The following RBBP8 variants were observed in gnomAD, a reference collection of about 807,000 sequenced individuals.
The protein encoded by RBBP8 is DNA endonuclease RBBP8.
Under a neutral mutation model 108.3 loss-of-function variants are expected in RBBP8, and 88 were observed. The ratio of observed to expected loss-of-function variants is 0.81; its 90% confidence interval spans 0.68 to 0.97. RBBP8 has a LOEUF of 0.97. Ranked by LOEUF, RBBP8 falls within the 50% of genes least tolerant of loss-of-function variation. The pLI is 0.00. For synonymous variants in RBBP8, 332 were observed against 348.2 expected, an observed-to-expected ratio of 0.95 and a Z score of 0.52; for missense variants, 1,023 against 1,049.0, an observed-to-expected ratio of 0.98 and a Z score of 0.34.
chr18:22,916,078 A>C (rs1025500494), intron 2 of RBBP8, among the ~76,000 whole-genome samples: 5 of 152,128 alleles, frequency 3.3e-5, no homozygotes, highest in Admixed American at 6.6e-5. Flanking sequence ...TTGTCAATCA[A>C]ATTAGGAGTG....
rs2045795126 is a variant in RBBP8, at chr18:22,993,831, T to C, written c.1923T>C (p.Ser641=). Residue 641 remains serine (S), a synonymous_variant, in exon 12 of 19, where the codon TCT becomes TCC. Coordinates refer to ENST00000327155, the MANE Select transcript of RBBP8 (RefSeq NM_002894.3). ...CATGTAGAACTGGTAAAATAAAGTC[T>C]CTACAAAACAACCAAGGTGTGTACA... ...LNPCRTGKIK[S]LQNNQDVSFE... 2.5e-6 allele frequency: 4 copies of C among 1,613,476 alleles called. No homozygotes were observed. The highest frequency in any genetic ancestry group is 2.5e-6 in the Non-Finnish European group (3 of 1,179,488).
chr18:22,919,668 C>T (rs540826700), intron 3 of RBBP8, among the ~76,000 whole-genome samples: 4 of 152,242 alleles, frequency 2.6e-5, no homozygotes, highest in Admixed American at 2.6e-4. Context: ...TCTCCTGCCT[C>T]AGACTCTGGA....
chr18:23,015,312 A>AT (rs563172620), intron 16 of RBBP8, among the ~76,000 whole-genome samples: 2 of 151,116 alleles, frequency 1.3e-5, no homozygotes. Flanking sequence ...AACAGGCAGT[A>AT]TTTTTTTTTA....
Position 22,968,884 on chromosome 18 carries a change from C to T in RBBP8, c.327C>T (p.Ile109=). The T allele has an allele frequency of 1.9e-6, 3 of 1,613,050 alleles. No homozygotes were observed. Among genetic ancestry groups the T allele is most frequent in the Non-Finnish European group, 2.5e-6 (3 of 1,179,290 alleles). The change falls in exon 5 of 19, where the codon ATC becomes ATT. Residue 109 remains isoleucine, a synonymous_variant. Coordinates refer to ENST00000327155, the MANE Select transcript of RBBP8 (RefSeq NM_002894.3). Reference sequence around the variant, plus strand: ...AAAAACAGCAAGAGTTTGAAAATATCCGGCAGCAGAATCTTAAACTTATTA... The same window carrying T: ...AAAAACAGCAAGAGTTTGAAAATATTCGGCAGCAGAATCTTAAACTTATTA... ...MRKKQQEFEN[I]RQQNLKLITE... is the part of the protein sequence containing the mutation.
At position 22,993,320 on chromosome 18, in the gene RBBP8, C is replaced by G; in HGVS notation, c.1493C>G (p.Ser498Ter). 2.5e-6 allele frequency: 4 copies of G among 1,614,228 alleles called. No individual in the cohort carries two copies. Among genetic ancestry groups the G allele is most frequent in the Non-Finnish European group, 3.4e-6 (4 of 1,180,034 alleles). The change falls in exon 11 of 19, where the codon TCA (serine) becomes TGA (stop). Residue 498 changes from serine (S) to a stop codon, truncating the protein, a stop_gained. Transcript: ENST00000327155. LOFTEE classifies it high-confidence loss of function. ...DKPLDLSDRF[S>*]AIQRQEKSQG... ...CCTCTGGATCTGTCTGATCGATTTT[C>G]AGCTATTCAGCGTCAAGAGAAAAGC...
intron 14 of RBBP8, 64 bp downstream of exon 14, chr18:22,997,798 A>G (rs1267136149): frequency 1.8e-6 from 2 of 1,097,548 alleles, no homozygotes; most frequent in Non-Finnish European, 2.7e-6. Flanking sequence ...TAGTTGTACC[A>G]TTGCACTGAT....
At chr18:22,997,789 A>G (rs2045886139) in intron 14 of RBBP8, 55 bp downstream of exon 14, 2 of 1,244,474 alleles carry the variant, frequency 1.6e-6, no homozygotes, top group Admixed American at 3.9e-5. Flanking sequence ...TGAAGTTTGT[A>G]GTTGTACCAT....
At chr18:22,975,077 C>A in intron 5 of RBBP8, 76 bp from the exon 6 acceptor site, 1 of 1,457,922 alleles carries the variant, frequency 6.9e-7, no homozygotes, top group East Asian at 2.5e-5. Flanking sequence ...TACATGCTGA[C>A]ATATTTTATT....
intron 1 of RBBP8, among the ~76,000 whole-genome samples, chr18:22,935,808 A>T (rs1306465211): frequency 1.3e-5 from 2 of 152,240 alleles, no homozygotes; most frequent in Non-Finnish European, 2.9e-5. Flanking sequence ...GGACTATGTA[A>T]TAAACTTAAT....
chr18:23,022,653 T>TAATATAA, intron 18 of RBBP8, among the ~76,000 whole-genome samples: 1 of 37,194 alleles, frequency 2.7e-5, no homozygotes, highest in African/African-American at 4.9e-5. Context: ...AAATACAATA[T>TAATATAA]AAAATAAAAT....
At chr18:22,957,799 T>C (rs28734011) in intron 4 of RBBP8, among the ~76,000 whole-genome samples, 2,050 of 152,280 alleles carry the variant, frequency 0.013, 22 homozygotes, top group Middle Eastern at 0.037. Flanking sequence ...TCACAGATAC[T>C]ATTATCAAGA....
chr18:23,000,068 A>G (rs2045921786), intron 14 of RBBP8, among the ~76,000 whole-genome samples: 1 of 152,238 alleles, frequency 6.6e-6, no homozygotes, highest in Non-Finnish European at 1.5e-5. Context: ...GATAATGAAT[A>G]AACAGAACAA....
At chr18:22,965,359 T>C (rs1264021396) in intron 4 of RBBP8, among the ~76,000 whole-genome samples, 1 of 152,170 alleles carries the variant, frequency 6.6e-6, no homozygotes, top group Non-Finnish European at 1.5e-5. Context: ...TGAGCTTCTC[T>C]GTTAGAATGA....
chr18:22,934,961 A>G (rs1474516273), intron 1 of RBBP8, among the ~76,000 whole-genome samples: 1 of 148,272 alleles, frequency 6.7e-6, no homozygotes, highest in Non-Finnish European at 1.5e-5. Flanking sequence ...ATATATAATT[A>G]TATATTAAAT....
At chr18:22,953,025 C>T (rs763733098) in intron 4 of RBBP8, among the ~76,000 whole-genome samples, 6 of 152,214 alleles carry the variant, frequency 3.9e-5, no homozygotes, top group Non-Finnish European at 5.9e-5. Flanking sequence ...GAGAAGCAAA[C>T]ATCAATAAGA....
At chr18:23,002,026 C>G (rs902829714) in intron 15 of RBBP8, among the ~76,000 whole-genome samples, 1 of 152,056 alleles carries the variant, frequency 6.6e-6, no homozygotes, top group Non-Finnish European at 1.5e-5. Context: ...TTACAAATTT[C>G]TTTCTAAATA....
intron 6 of RBBP8, among the ~76,000 whole-genome samples, chr18:22,980,572 A>G (rs1914840233): frequency 6.6e-6 from 1 of 152,146 alleles, no homozygotes; most frequent in Non-Finnish European, 1.5e-5. Flanking sequence ...AAAAAAGGTC[A>G]GAGAGGAAAA....
chr18:22,994,538 A>G, intron 12 of RBBP8, among the ~76,000 whole-genome samples: 1 of 148,024 alleles, frequency 6.8e-6, no homozygotes. Flanking sequence ...GCTATTCGGG[A>G]GGCTGAGGCA....
chr18:22,989,905 G>A (rs1188687917), intron 9 of RBBP8, among the ~76,000 whole-genome samples: 2 of 152,144 alleles, frequency 1.3e-5, no homozygotes, highest in African/African-American at 4.8e-5. Context: ...TTGGCCTCAA[G>A]AGATCCTCCT....
Sources: gnomAD v4.1 joint callset for allele counts (sites outside exome capture counted in the v4.1 genomes callset) on GRCh38, gnomAD v4.1.1 for gene constraint, MANE v1.5 for transcripts, NCBI Gene and HGNC (gene_info 2026-07-23, HGNC 2026-07-21) for gene names.